LNX1: variants seen among roughly 807,000 people sequenced by gnomAD.
LNX1 encodes the protein E3 ubiquitin-protein ligase LNX.
A neutral mutation model predicts 68.4 loss-of-function variants in LNX1; 54 were observed. That is an observed-to-expected ratio of 0.79 (90% confidence interval 0.63 to 0.99). The LOEUF (loss-of-function observed/expected upper bound fraction) is 0.99, where lower values mean the gene tolerates loss of function less well. Ranked by LOEUF, LNX1 falls within the 50% of genes least tolerant of loss-of-function variation. The probability of loss-of-function intolerance (pLI) is 0.00; values close to 1 mark genes in which losing one functional copy is unlikely to be tolerated. For missense variants in LNX1, 906 were observed against 926.4 expected (o/e 0.98, Z 0.29); for synonymous variants, 336 against 350.0 (o/e 0.96, Z 0.45).
intron 1 of LNX1, among the ~76,000 whole-genome samples, chr4:53,589,728 T>C (rs879592131): frequency 2.6e-5 from 4 of 152,180 alleles, no homozygotes; most frequent in Non-Finnish European, 5.9e-5. Context: ...CTTGAACCAA[T>C]GGGTGGAGTT....
intron 2 of LNX1, among the ~76,000 whole-genome samples, chr4:53,563,392 T>G (rs929826664): frequency 6.6e-6 from 1 of 152,164 alleles, no homozygotes; most frequent in African/African-American, 2.4e-5. Context: ...TTTTCTAAAT[T>G]CAAGGGTCTC....
intron 2 of LNX1, among the ~76,000 whole-genome samples, chr4:53,613,344 GA>G (rs1320234930): frequency 7.0e-6 from 1 of 142,388 alleles, no homozygotes; most frequent in Admixed American, 7.4e-5. Context: ...TGCTTTCCAG[GA>G]ATTTTTTTTT....
chr4:53,499,817 T>C (rs2109483316), intron 4 of LNX1, among the ~76,000 whole-genome samples: 1 of 152,328 alleles, frequency 6.6e-6, no homozygotes, highest in Admixed American at 6.5e-5. Context: ...AAGGCCTAGT[T>C]GGTGGCCTTG....
intron 4 of LNX1, among the ~76,000 whole-genome samples, chr4:53,501,311 G>GGT: frequency 1.8e-5 from 1 of 55,696 alleles, no homozygotes. Context: ...GGGGTGGGGG[G>GGT]ACAGGATCTC....
chr4:53,634,691 C>G (rs1221064355), intron 1 of LNX1, among the ~76,000 whole-genome samples: 1 of 152,130 alleles, frequency 6.6e-6, no homozygotes, highest in Non-Finnish European at 1.5e-5. Flanking sequence ...ATGACCCAGC[C>G]TCACAGTTGA....
chr4:53,478,393 G>A (rs1404718717), intron 8 of LNX1, among the ~76,000 whole-genome samples, 172 bp downstream of exon 8: 2 of 152,096 alleles, frequency 1.3e-5, no homozygotes, highest in Admixed American at 6.6e-5. Context: ...TAAGAAAAGT[G>A]GAACCTGGTC....
At chr4:53,631,568 C>G (rs1399552673) in intron 1 of LNX1, among the ~76,000 whole-genome samples, 1 of 152,178 alleles carries the variant, frequency 6.6e-6, no homozygotes, top group Non-Finnish European at 1.5e-5. Flanking sequence ...TTTAAAAAAT[C>G]CTCAAGCCAG....
At chr4:53,586,840 T>C (rs1425127849) in intron 1 of LNX1, among the ~76,000 whole-genome samples, 1 of 152,242 alleles carries the variant, frequency 6.6e-6, no homozygotes, top group African/African-American at 2.4e-5. Flanking sequence ...ATTATTACTA[T>C]TTAATGAGCA....
intron 1 of LNX1, among the ~76,000 whole-genome samples, chr4:53,639,499 C>T (rs1398575948): frequency 2.6e-5 from 4 of 152,114 alleles, no homozygotes; most frequent in African/African-American, 7.2e-5. Flanking sequence ...GTTAATATCC[C>T]AGAAAAAATA....
chr4:53,460,824 TA>T lies in LNX1; in HGVS notation c.*82del. The T allele has an allele frequency of 7.7e-7, 1 of 1,306,454 alleles. No homozygotes were observed. Among genetic ancestry groups the T allele is most frequent in the Non-Finnish European group, 1.1e-6 (1 of 943,580 alleles). The allele number at this position is 1,306,454 out of a possible 1,614,324, so 80.9% of individuals were successfully genotyped here. On this transcript the variant is annotated 3_prime_UTR_variant, in exon 11 of 11. Transcript: ENST00000263925. Reference sequence around the variant, plus strand: ...TTACAATGTATTCTTTCTTTAAATATAAAAACTGACAAGATAAATATAGTGT... The same window carrying T: ...TTACAATGTATTCTTTCTTTAAATATAAAACTGACAAGATAAATATAGTGT...
At chr4:53,520,212 C>A (rs1727113355) in intron 2 of LNX1, among the ~76,000 whole-genome samples, 1 of 152,192 alleles carries the variant, frequency 6.6e-6, no homozygotes. Context: ...CCCTGCGGGT[C>A]CAAACCTTAT....
intron 2 of LNX1, among the ~76,000 whole-genome samples, chr4:53,514,755 C>T (rs1459501221): frequency 6.6e-6 from 1 of 152,112 alleles, no homozygotes; most frequent in East Asian, 1.9e-4. Context: ...AGGGAAAGTA[C>T]CCCCCTTGGA....
intron 1 of LNX1, among the ~76,000 whole-genome samples, chr4:53,623,263 G>A (rs1733951997): frequency 6.6e-6 from 1 of 150,636 alleles, no homozygotes; most frequent in Non-Finnish European, 1.5e-5. Context: ...GAGTACAGTG[G>A]CATGATCTTG....
chr4:53,500,582 A>G (rs1725400642), intron 4 of LNX1: 1 of 152,226 alleles, frequency 6.6e-6, no homozygotes. Context: ...AGAACAATAA[A>G]GAATTAAAAT....
At chr4:53,570,855 G>A (rs993500201) in intron 2 of LNX1, among the ~76,000 whole-genome samples, 19 of 151,296 alleles carry the variant, frequency 1.3e-4, no homozygotes, top group African/African-American at 3.6e-4. Context: ...GTGAAAACCC[G>A]TCTCTACTAA....
At position 53,459,907 on chromosome 4, in the gene LNX1, T is replaced by TATTA. The variant is rs1283893785; in HGVS notation, c.*996_*999dup. The stretch of plus-strand genomic sequence containing the variant: ...ACTGCTGTGACACTCTTGCTTAGTA[T>TATTA]ATTAAGAGACTCATACATTTTTGAT... On this transcript the variant is annotated 3_prime_UTR_variant, in exon 11 of 11. Coordinates refer to ENST00000263925, the MANE Select transcript of LNX1 (RefSeq NM_001126328.3). 4.5e-6 allele frequency: 1 copy of TATTA among 223,260 alleles called. No homozygotes were observed. The highest frequency in any genetic ancestry group is 6.6e-5 in the East Asian group (1 of 15,252). The allele number at this position is 223,260 out of a possible 1,614,324, so 13.8% of individuals were successfully genotyped here.
chr4:53,571,179 C>T (rs1251547453), intron 2 of LNX1, among the ~76,000 whole-genome samples: 2 of 151,916 alleles, frequency 1.3e-5, no homozygotes, highest in African/African-American at 4.8e-5. Flanking sequence ...GCCACCATGC[C>T]CAGCTAATTT....
chr4:53,623,551 G>C (rs1010949058), intron 1 of LNX1, among the ~76,000 whole-genome samples: 3 of 152,016 alleles, frequency 2.0e-5, no homozygotes, highest in African/African-American at 7.2e-5. Flanking sequence ...CAATTCTGAT[G>C]CAAACCATAA....
intron 2 of LNX1, among the ~76,000 whole-genome samples, chr4:53,551,179 G>T (rs1278330803): frequency 1.3e-5 from 2 of 152,130 alleles, no homozygotes; most frequent in East Asian, 3.9e-4. Flanking sequence ...ACATAAGGCT[G>T]CCCATAACTC....
Sources: gnomAD v4.1 joint callset for allele counts (sites outside exome capture counted in the v4.1 genomes callset) on GRCh38, gnomAD v4.1.1 for gene constraint, MANE v1.5 for transcripts, NCBI Gene and HGNC (gene_info 2026-07-23, HGNC 2026-07-21) for gene names.